The following FOCAD variants were observed in gnomAD, a reference collection of about 807,000 sequenced individuals.
The protein encoded by FOCAD is focadhesin.
FOCAD carries 198 observed loss-of-function variants against 225.6 expected under a neutral mutation model. That is an observed-to-expected ratio of 0.88 (90% CI 0.78 to 0.99). The LOEUF (loss-of-function observed/expected upper bound fraction) is 0.99, where lower values mean the gene tolerates loss of function less well. Among genes scored for constraint, FOCAD ranks in the 50% least tolerant of loss-of-function variants. FOCAD has a pLI of 0.00. For missense variants in FOCAD, 2,713 were observed against 2,123.6 expected (o/e 1.28, Z -5.46); for synonymous variants, 897 against 755.0 (o/e 1.19, Z -3.08).
rs938476652 is a variant in FOCAD, at chr9:20,986,403, T to C, written c.4844T>C (p.Val1615Ala). Residue 1615 changes from valine (V) to alanine (A), a missense_variant, in exon 40 of 44, where the codon GTG becomes GCG. Physicochemically the swap from Val to Ala is moderately conservative, Grantham distance 64. Transcript: ENST00000338382. ...SVAVQHREKE[V>A]LAWMILHSLY... ...GCTGTGCAGCACCGTGAGAAAGAGG[T>C]GTTGGCCTGGATGATTCTGCACAGC... The C allele has an allele frequency of 2.5e-6, 4 of 1,612,820 alleles. No homozygotes were observed. The African/African-American group carries it at 4.0e-5, about 16-fold the overall frequency.
intron 8 of FOCAD, among the ~76,000 whole-genome samples, chr9:20,771,980 C>T (rs950065639): frequency 6.6e-5 from 10 of 152,132 alleles, no homozygotes; most frequent in Non-Finnish European, 1.3e-4. Flanking sequence ...TTAATGACTT[C>T]CTTACTCCAA....
At chr9:20,777,874 G>A (rs1030497886) in intron 8 of FOCAD, among the ~76,000 whole-genome samples, 4 of 151,806 alleles carry the variant, frequency 2.6e-5, no homozygotes, top group Non-Finnish European at 4.4e-5. Context: ...AGGCCGAGGC[G>A]GGCGGATCAC....
chr9:20,975,387 A>G (rs886393855), intron 35 of FOCAD, among the ~76,000 whole-genome samples: 1 of 152,238 alleles, frequency 6.6e-6, no homozygotes, highest in African/African-American at 2.4e-5. Flanking sequence ...CTGATGGACT[A>G]GCTGTTACAC....
At chr9:20,712,930 G>C (rs764178609) in intron 1 of FOCAD, among the ~76,000 whole-genome samples, 14 of 151,654 alleles carry the variant, frequency 9.2e-5, no homozygotes, top group Non-Finnish European at 1.9e-4. Flanking sequence ...ACAGGGTTTC[G>C]CCATGTTGGC....
chr9:20,849,382 GT>G (rs926136972), intron 15 of FOCAD, among the ~76,000 whole-genome samples: 3 of 145,508 alleles, frequency 2.1e-5, no homozygotes, highest in African/African-American at 5.0e-5. Flanking sequence ...ACTTTTTCTG[GT>G]TTTTTTTTTC....
rs917800833 is a variant in FOCAD at position 20,751,556 on chromosome 9, A to C, written c.393-6534A>C. On this transcript the variant is annotated intron_variant, in intron 5 of 43. Transcript: ENST00000338382. ...CCACATTTTCTTAATCCAGTCTATC[A>C]TTGTTGGACATTTGGGTTGGTTCCA... Among the ~76,000 whole-genome samples the C allele has an allele frequency of 4.7e-5, 5 of 106,138 alleles. No individual in the cohort carries two copies. The Admixed American group carries it at 5.0e-4, about 11-fold the overall frequency. The allele number at this position is 106,138 out of a possible 152,430, so 69.6% of individuals were successfully genotyped here. A position where few individuals can be genotyped will look rare whatever the true frequency, so the allele number is the denominator to read the frequency against.
intron 21 of FOCAD, among the ~76,000 whole-genome samples, chr9:20,902,137 T>C (rs73648443): frequency 9.2e-5 from 14 of 151,924 alleles, no homozygotes; most frequent in African/African-American, 3.1e-4. Flanking sequence ...GACACTGTTA[T>C]GGGTACCATG....
Position 20,777,950 on chromosome 9 carries a change from C to T in FOCAD, c.907-731C>T, listed in dbSNP as rs997390125. ...CTAAAAATACAAAAAATTAGCCGGG[C>T]GCAGTGGCGGGCGCCTGTAGTCCCA... On this transcript the variant is annotated intron_variant, in intron 8 of 43. Coordinates refer to ENST00000338382, the MANE Select transcript of FOCAD (RefSeq NM_001375567.1). 1.3e-3 allele frequency among the ~76,000 whole-genome samples: 190 copies of T among 151,562 alleles called. 1 individual carries two copies. The highest frequency in any genetic ancestry group is 4.3e-3 in the African/African-American group (176 of 41,358).
At chr9:20,794,401 TC>T (rs1820847606) in intron 11 of FOCAD, among the ~76,000 whole-genome samples, 1 of 152,190 alleles carries the variant, frequency 6.6e-6, no homozygotes, top group Non-Finnish European at 1.5e-5. Context: ...TCTAAATATT[TC>T]ATAATATAGA....
chr9:20,953,246 G>A (rs545785283), intron 35 of FOCAD, among the ~76,000 whole-genome samples, 181 bp downstream of exon 35: 2 of 152,200 alleles, frequency 1.3e-5, no homozygotes, highest in Non-Finnish European at 2.9e-5. Context: ...TAATTGGTAC[G>A]TAAATATACA....
At chr9:20,764,719 C>T in intron 6 of FOCAD, 150 bp from the exon 7 acceptor site, 2 of 654,594 alleles carry the variant, frequency 3.1e-6, no homozygotes, top group Non-Finnish European at 5.3e-6. Context: ...GTAGGCAGGT[C>T]ATAGCGGAAT....
At position 20,976,499 on chromosome 9, in the gene FOCAD, T is replaced by C. The variant is rs372206011; in HGVS notation, c.4212T>C (p.Pro1404=). 7.4e-6 allele frequency: 12 copies of C among 1,613,238 alleles called. No homozygotes were observed. The highest frequency in any genetic ancestry group is 1.0e-5 in the Non-Finnish European group (12 of 1,179,410). Residue 1404 remains proline, a synonymous_variant, in exon 36 of 44, where the codon CCT becomes CCC. Transcript: ENST00000338382. ...CTGTTGGAGAAAGCTACCAATATCC[T>C]CCTGTGAACTGGGCTGCACTTCTCT... The part of the protein sequence containing the change: ...IATVGESYQY[P]PVNWAALLSP...
intron 5 of FOCAD, among the ~76,000 whole-genome samples, chr9:20,741,388 A>G (rs569271013): frequency 1.3e-5 from 2 of 152,166 alleles, no homozygotes; most frequent in South Asian, 4.1e-4. Context: ...GTCGTGGTAT[A>G]TCTCATATAC....
intron 21 of FOCAD, among the ~76,000 whole-genome samples, chr9:20,904,652 C>G (rs991077672): frequency 2.0e-5 from 3 of 151,978 alleles, no homozygotes; most frequent in Non-Finnish European, 1.5e-5. Flanking sequence ...TCTCAATGCT[C>G]CATCAGATAG....
At chr9:20,887,361 A>G (rs1020970219) in intron 21 of FOCAD, among the ~76,000 whole-genome samples, 4 of 151,752 alleles carry the variant, frequency 2.6e-5, no homozygotes, top group Non-Finnish European at 2.9e-5. Context: ...CAGCCTCCCG[A>G]GTAGCTGGGA....
rs1554743599 is a variant in FOCAD, at chr9:20,962,417, C to CATACAT, written c.4132+9353_4132+9354insTACATA. On this transcript the variant is annotated intron_variant, in intron 35 of 43. Transcript: ENST00000338382. ...CATATATAATATATATATACACACA[C>CATACAT]ACATACATACATACATACATACATA... is the stretch of plus-strand genomic sequence containing the variant. Among the ~76,000 whole-genome samples, 47 of 149,194 alleles carry CATACAT rather than the reference C, an allele frequency of 3.2e-4. 1 individual carries two copies. The highest frequency in any genetic ancestry group is 4.2e-4 in the Non-Finnish European group (28 of 67,452).
chr9:20,822,936 G>A, intron 14 of FOCAD, 53 bp from the exon 15 acceptor site: 1 of 1,511,924 alleles, frequency 6.6e-7, no homozygotes, highest in Non-Finnish European at 8.8e-7. Flanking sequence ...AGATCTGGGA[G>A]TGATAACTGC....
intron 2 of FOCAD, among the ~76,000 whole-genome samples, chr9:20,660,782 G>A (rs183894367): frequency 1.1e-4 from 16 of 152,224 alleles, no homozygotes; most frequent in Non-Finnish European, 1.6e-4. Flanking sequence ...GAGGGAGAAG[G>A]ATCAGAAGTC....
upstream of FOCAD, among the ~76,000 whole-genome samples, chr9:20,682,983 G>C (rs1028300152): frequency 6.6e-6 from 1 of 152,068 alleles, no homozygotes; most frequent in Non-Finnish European, 1.5e-5. Context: ...GTTTCACCAC[G>C]TTGCCTAGGC....
Sources: gnomAD v4.1 joint callset for allele counts (sites outside exome capture counted in the v4.1 genomes callset) on GRCh38, gnomAD v4.1.1 for gene constraint, MANE v1.5 for transcripts, NCBI Gene and HGNC (gene_info 2026-07-23, HGNC 2026-07-21) for gene names.